The following DNMT3B variants were observed in gnomAD, a reference collection of about 807,000 sequenced individuals.
DNMT3B encodes DNA methyltransferase 3 beta, also known as DNA (cytosine-5)-methyltransferase 3B.
A neutral mutation model predicts 120.2 loss-of-function variants in DNMT3B; 37 were observed. The observed-to-expected ratio is 0.31, with a 90% CI of 0.24 to 0.40. DNMT3B has a LOEUF of 0.40. Ranked by LOEUF, DNMT3B falls within the 10% of genes least tolerant of loss-of-function variation. The probability of loss-of-function intolerance (pLI) is 1.00; values close to 1 mark genes in which losing one functional copy is unlikely to be tolerated. For missense variants in DNMT3B, 878 were observed against 1,137.3 expected (o/e 0.77, Z 3.28); for synonymous variants, 412 against 442.8 (o/e 0.93, Z 0.87).
chr20:32,804,240 A>AT (rs1190814568), intron 20 of DNMT3B, among the ~76,000 whole-genome samples: 1 of 152,148 alleles, frequency 6.6e-6, no homozygotes, highest in Non-Finnish European at 1.5e-5. Context: ...GTCAGGCATC[A>AT]TTTAGGGGAC....
intron 22 of DNMT3B, 43 bp downstream of exon 22, chr20:32,806,370 AAC>A (rs757282444): frequency 4.5e-6 from 7 of 1,565,138 alleles, no homozygotes; most frequent in African/African-American, 1.4e-5. Flanking sequence ...TGTAGATCAA[AAC>A]ACAAATGGGC....
intron 4 of DNMT3B, 30 bp downstream of exon 4, chr20:32,784,889 T>C (rs370653880): frequency 6.2e-7 from 1 of 1,609,570 alleles, no homozygotes; most frequent in South Asian, 1.1e-5. Flanking sequence ...GCCAAAGCAC[T>C]TGTGGCCAAC....
At chr20:32,793,635 T>C (rs1377951807) in intron 10 of DNMT3B, 40 bp downstream of exon 10, 3 of 1,605,412 alleles carry the variant, frequency 1.9e-6, no homozygotes, top group Non-Finnish European at 2.6e-6. Flanking sequence ...CTGTTTTCTA[T>C]GCACTTTCTT....
intron 19 of DNMT3B, among the ~76,000 whole-genome samples, 168 bp downstream of exon 19, chr20:32,801,594 AT>A (rs923458202): frequency 1.3e-5 from 2 of 151,828 alleles, no homozygotes; most frequent in Non-Finnish European, 2.9e-5. Context: ...CATGGAAAAT[AT>A]TTTTTTTGAG....
rs1982159199 is a variant in DNMT3B at position 32,808,017 on chromosome 20, T to A, written c.*114T>A. ...TTCCTCAGCTGTGTGGGTCATACCG[T>A]GTACCTCAGTTCCCTCTTGCTCAGT... On this transcript the variant is annotated 3_prime_UTR_variant, in exon 23 of 23. Transcript: ENST00000328111. 6.4e-7 allele frequency: 1 copy of A among 1,571,412 alleles called. No homozygotes were observed. Among genetic ancestry groups the A allele is most frequent in the South Asian group, 1.1e-5 (1 of 88,354 alleles).
chr20:32,795,231 G>T (rs1601111202), intron 10 of DNMT3B, among the ~76,000 whole-genome samples, 178 bp from the exon 11 acceptor site: 1 of 152,310 alleles, frequency 6.6e-6, no homozygotes, highest in East Asian at 1.9e-4. Context: ...GGTGCAAGGG[G>T]TTTTGAATGA....
At chr20:32,789,146 CA>C in intron 7 of DNMT3B, 134 bp downstream of exon 7, 1 of 1,330,404 alleles carries the variant, frequency 7.5e-7, no homozygotes, top group Non-Finnish European at 1.0e-6. Context: ...GGAGGAAGGA[CA>C]AAACTTCCTG....
rs146299831 is a variant in DNMT3B at position 32,795,704 on chromosome 20, T to C, written c.1297+10T>C. ...AAGAGCAGCCTGGAAGGTAACGTTC[T>C]CTCCCTCCCAGTCATCCCCCTCACA... is the stretch of plus-strand genomic sequence containing the variant. On this transcript the variant is annotated intron_variant, in intron 12 of 22. Coordinates refer to ENST00000328111, the MANE Select transcript of DNMT3B (RefSeq NM_006892.4). The C allele has an allele frequency of 4.5e-5, 72 of 1,614,040 alleles. No individual in the cohort carries two copies. The highest frequency in any genetic ancestry group is 1.2e-4 in the Admixed American group (7 of 60,016).
chr20:32,766,287 G>A (rs563822822), intron 1 of DNMT3B, among the ~76,000 whole-genome samples: 1 of 152,278 alleles, frequency 6.6e-6, no homozygotes, highest in East Asian at 1.9e-4. Context: ...AGGTTGCAGT[G>A]AGCTGAGATC....
chr20:32,780,572 T>G, intron 2 of DNMT3B, 107 bp downstream of exon 2: 13 of 1,492,930 alleles, frequency 8.7e-6, no homozygotes, highest in South Asian at 2.5e-5. Context: ...TCCACCACAA[T>G]TCCCCGGGAG....
intron 1 of DNMT3B, among the ~76,000 whole-genome samples, chr20:32,774,418 C>T (rs1001809100): frequency 1.3e-5 from 2 of 151,416 alleles, no homozygotes; most frequent in African/African-American, 4.9e-5. Context: ...ATCATGTTAG[C>T]CAGGATGGTC....
At chr20:32,768,942 A>G (rs1987552279) in intron 1 of DNMT3B, among the ~76,000 whole-genome samples, 2 of 152,082 alleles carry the variant, frequency 1.3e-5, no homozygotes, top group African/African-American at 2.4e-5. Context: ...TGCAAACCTC[A>G]CCTGTGTCCT....
chr20:32,768,029 G>A (rs1987491120), intron 1 of DNMT3B, among the ~76,000 whole-genome samples: 1 of 151,894 alleles, frequency 6.6e-6, no homozygotes, highest in Non-Finnish European at 1.5e-5. Context: ...ATGGGCCCTG[G>A]CAGCATGGCA....
chr20:32,795,784 T>A, intron 12 of DNMT3B, 90 bp downstream of exon 12: 1 of 1,540,568 alleles, frequency 6.5e-7, no homozygotes, highest in African/African-American at 1.4e-5. Flanking sequence ...CTGTCAGGGT[T>A]TAACCCAGAG....
chr20:32,778,311 G>C (rs1988170082), intron 1 of DNMT3B, among the ~76,000 whole-genome samples: 1 of 152,010 alleles, frequency 6.6e-6, no homozygotes, highest in Non-Finnish European at 1.5e-5. Context: ...ATTCCAGCCT[G>C]GCGGAGGTCG....
chr20:32,784,611 C>T (rs1030567118), intron 3 of DNMT3B, 147 bp from the exon 4 acceptor site: 8 of 834,270 alleles, frequency 9.6e-6, no homozygotes, highest in Admixed American at 2.0e-5. Context: ...TGGTCTGTGT[C>T]TGCACCCATA....
intron 7 of DNMT3B, among the ~76,000 whole-genome samples, chr20:32,790,032 A>G (rs1468317678): frequency 6.6e-6 from 1 of 152,252 alleles, no homozygotes; most frequent in African/African-American, 2.4e-5. Flanking sequence ...CAAGCCAGGC[A>G]GGATTGAAGG....
chr20:32,806,291 G>A lies in DNMT3B; in HGVS notation c.2384G>A (p.Gly795Asp). The A allele has an allele frequency of 6.2e-7, 1 of 1,614,184 alleles. No homozygotes were observed. The highest frequency in any genetic ancestry group is 8.5e-7 in the Non-Finnish European group (1 of 1,180,038). ...CAACTTTTCCCTGTTGTCATGAATGGCAAAGAAGATGTTTTGTGGTGCACT... is the reference window on the plus strand; with the variant it reads ...CAACTTTTCCCTGTTGTCATGAATGACAAAGAAGATGTTTTGTGGTGCACT... ...KNQLFPVVMN[G>D]KEDVLWCTEL... Residue 795 changes from glycine (G) to aspartate (D), a missense_variant, in exon 22 of 23, where the codon GGC becomes GAC. Gly to Asp is a moderately conservative substitution (Grantham distance 94). Transcript: ENST00000328111.
chr20:32,788,041 ACTT>A (rs1359694468), intron 6 of DNMT3B, among the ~76,000 whole-genome samples: 1 of 152,078 alleles, frequency 6.6e-6, no homozygotes, highest in Non-Finnish European at 1.5e-5. Context: ...GGCCATTTAT[ACTT>A]CTTTTATGGT....
Sources: allele counts gnomAD v4.1 joint callset (sites outside exome capture counted in the v4.1 genomes callset), GRCh38; gene constraint gnomAD v4.1.1; transcripts MANE v1.5; gene names NCBI Gene and HGNC (gene_info 2026-07-23, HGNC 2026-07-21).